Variants in ACACA observed in about 807,000 individuals in gnomAD.
ACACA encodes the protein acetyl-CoA carboxylase 1.
A neutral mutation model predicts 296.1 loss-of-function variants in ACACA; 103 were observed. That is an observed-to-expected ratio of 0.35 (90% CI 0.30 to 0.41). The LOEUF is 0.41. ACACA is among the 10% of genes least tolerant of loss of function. The pLI, the probability that ACACA is intolerant of heterozygous loss-of-function variation, is 1.00. For synonymous variants in ACACA, 953 were observed against 1,038.6 expected (o/e 0.92, Z 1.58); for missense variants, 1,554 against 2,989.7 (o/e 0.52, Z 11.20).
At chr17:37,107,058 T>A (rs2073729050) in intron 52 of ACACA, among the ~76,000 whole-genome samples, 1 of 152,164 alleles carries the variant, frequency 6.6e-6, no homozygotes, top group Non-Finnish European at 1.5e-5. Flanking sequence ...AGATCCCATA[T>A]CTACCTTCGT....
chr17:37,385,865 C>T (rs1426613872), intron 1 of ACACA: 16 of 542,536 alleles, frequency 2.9e-5, no homozygotes, highest in African/African-American at 1.9e-5. Flanking sequence ...TTATTTTGTG[C>T]TCACACCCTA....
At chr17:37,289,790 T>C (rs1436851261) in intron 3 of ACACA, among the ~76,000 whole-genome samples, 1 of 152,202 alleles carries the variant, frequency 6.6e-6, no homozygotes, top group Non-Finnish European at 1.5e-5. Flanking sequence ...CCTTTGCTGA[T>C]GGGGATCCTT....
At position 37,363,173 on chromosome 17, in the gene ACACA, CTTTTTCTT is replaced by C. The variant is rs1346419323; in HGVS notation, c.39-23331_39-23324del. ...GGTTGACTTTTTCTTTTCTCTTTCT[CTTTTTCTT>C]TTTTTTTTTTTTTTTTTTTTTGAGA... On this transcript the variant is annotated intron_variant, in intron 1 of 55. Coordinates refer to ENST00000616317, the MANE Select transcript of ACACA (RefSeq NM_198834.3). 3.0e-5 allele frequency among the ~76,000 whole-genome samples: 4 copies of C among 132,170 alleles called. No homozygotes were observed. In the East Asian group the frequency reaches 8.6e-4, roughly 28 times the overall value. The allele number at this position is 132,170 out of a possible 152,430, so 86.7% of individuals were successfully genotyped here. A position where few individuals can be genotyped will look rare whatever the true frequency, so the allele number is the denominator to read the frequency against.
chr17:37,136,169 A>T (rs563864346), intron 45 of ACACA, among the ~76,000 whole-genome samples: 3 of 152,104 alleles, frequency 2.0e-5, no homozygotes, highest in African/African-American at 7.3e-5. Context: ...AACCACCACA[A>T]CAATCAAGAT....
Position 37,097,738 on chromosome 17 carries a change from C to T in ACACA, c.6720+92G>A, listed in dbSNP as rs2073078909. ...GCAGAAGTTGTTTTAATTTGGCCCT[C>T]ATAGCTCCCTGCTTATGAGCCTGTG... On this transcript the variant is annotated intron_variant, in intron 53 of 55. Transcript: ENST00000616317. This position sits in a 1 kb window ranked among gnomAD's most constrained non-coding sequence, Gnocchi z 4.8. 1.3e-6 allele frequency: 2 copies of T among 1,530,120 alleles called. No homozygotes were observed. Among genetic ancestry groups the T allele is most frequent in the African/African-American group, 2.7e-5 (2 of 72,934 alleles). 94.8% of individuals were successfully genotyped at this position (1,530,120 alleles called of 1,614,324 possible).
chr17:37,186,889 A>T (rs1266710547), intron 39 of ACACA, among the ~76,000 whole-genome samples: 1 of 151,750 alleles, frequency 6.6e-6, no homozygotes, highest in African/African-American at 2.4e-5. Context: ...TTCCTAATAA[A>T]GGAAAGGAAA....
Position 37,113,333 on chromosome 17 carries a change from G to C in ACACA, c.6275-68C>G. On this transcript the variant is annotated intron_variant, in intron 50 of 55. Transcript: ENST00000616317. This position sits in a 1 kb window ranked among gnomAD's most constrained non-coding sequence, Gnocchi z 4.0. The stretch of plus-strand genomic sequence containing the variant: ...CCTCAAAGCAGTACTTTTAAACACT[G>C]TTCAGGACCTCTGGCCACGAAGAGC... 1 of 1,536,168 alleles carries C rather than the reference G, an allele frequency of 6.5e-7. No individual in the cohort carries two copies. Among genetic ancestry groups the C allele is most frequent in the Admixed American group, 1.8e-5 (1 of 55,796 alleles).
At chr17:37,276,904 A>G in intron 7 of ACACA, 129 bp downstream of exon 7, 1 of 817,586 alleles carries the variant, frequency 1.2e-6, no homozygotes. Flanking sequence ...AGTTAGTAAT[A>G]GATTGAGGGA....
intron 30 of ACACA, among the ~76,000 whole-genome samples, chr17:37,208,628 T>C (rs2078613991): frequency 6.6e-6 from 1 of 152,196 alleles, no homozygotes; most frequent in South Asian, 2.1e-4. Context: ...AAGCAGCTGC[T>C]AAACGGAGAT....
chr17:37,332,220 TA>T lies in ACACA; in HGVS notation c.86-1796del, dbSNP rs771392453. On this transcript the variant is annotated intron_variant, in intron 2 of 55. Coordinates refer to ENST00000616317, the MANE Select transcript of ACACA (RefSeq NM_198834.3). ...TATCCCAGAACTTAAAAGTATAATT[TA>T]AAAAAAAAAAAGAAAGAAAAAGAAA... 9.8e-3 allele frequency among the ~76,000 whole-genome samples: 1,362 copies of T among 138,332 alleles called. 13 individuals carry two copies. The highest frequency in any genetic ancestry group is 0.032 in the African/African-American group (1,212 of 37,840). The allele number at this position is 138,332 out of a possible 152,430, so 90.8% of individuals were successfully genotyped here. A position where few individuals can be genotyped will look rare whatever the true frequency, so the allele number is the denominator to read the frequency against.
chr17:37,257,090 G>A (rs1021753078), intron 14 of ACACA, among the ~76,000 whole-genome samples: 6 of 152,098 alleles, frequency 3.9e-5, no homozygotes, highest in Admixed American at 1.3e-4. Context: ...ATGATTAACA[G>A]AATATTATCT....
rs1324573919 is a variant in ACACA, at chr17:37,274,196, T to C, written c.1005A>G (p.Leu335=). The stretch of plus-strand genomic sequence containing the variant: ...CTCCCTGGAGTTAGTAACCTACCTG[T>C]AGCCCATCATCCACATCTTTCACAT... The part of the protein sequence containing the change: ...KGYVKDVDDG[L]QAAEEVGYPV... Residue 335 remains leucine (L), a synonymous_variant, in exon 9 of 56, where the codon CTA becomes CTG. Coordinates refer to ENST00000616317, the MANE Select transcript of ACACA (RefSeq NM_198834.3). 1.2e-6 allele frequency: 2 copies of C among 1,612,294 alleles called. No individual in the cohort carries two copies. The highest frequency in any genetic ancestry group is 1.7e-6 in the Non-Finnish European group (2 of 1,178,274).
At chr17:37,301,517 G>T in intron 3 of ACACA, 1 of 351,116 alleles carries the variant, frequency 2.8e-6, no homozygotes, top group Non-Finnish European at 4.0e-6. Flanking sequence ...GAGTTATACT[G>T]CAGCACACAC....
intron 50 of ACACA, among the ~76,000 whole-genome samples, chr17:37,116,140 G>C (rs374601991): frequency 1.3e-5 from 2 of 152,074 alleles, no homozygotes; most frequent in Non-Finnish European, 2.9e-5. Context: ...CTACAGGTGC[G>C]TGCCACCATG....
rs181617224 is a variant in ACACA at position 37,121,433 on chromosome 17, C to A, written c.6196G>T (p.Ala2066Ser). ...FPDSAFKTYQAIKDFNREGLP... is the reference protein window; with the variant it reads ...FPDSAFKTYQSIKDFNREGLP... The stretch of plus-strand genomic sequence containing the variant: ...CCTTCCCGGTTGAAGTCCTTGATGG[C>A]CTGATACGTCTTAAACGCAGAATCT... Residue 2066 changes from alanine (A) to serine (S), a missense_variant, in exon 50 of 56, where the codon GCC becomes TCC. Coordinates refer to ENST00000616317, the MANE Select transcript of ACACA (RefSeq NM_198834.3). 6 of 1,614,162 alleles carry A rather than the reference C, an allele frequency of 3.7e-6. No individual in the cohort carries two copies. Among genetic ancestry groups the A allele is most frequent in the South Asian group, 3.3e-5 (3 of 91,082 alleles).
At chr17:37,111,701 A>G (rs2073979985) in intron 51 of ACACA, 58 bp from the exon 52 acceptor site, 1 of 1,312,864 alleles carries the variant, frequency 7.6e-7, no homozygotes, top group African/African-American at 1.4e-5. Flanking sequence ...AAGGAAGGAG[A>G]CAACAGAATG....
At chr17:37,226,520 A>G in intron 25 of ACACA, 68 bp from the exon 26 acceptor site, 1 of 1,359,406 alleles carries the variant, frequency 7.4e-7, no homozygotes. Context: ...GGATTTTAAA[A>G]TAGAGAAAAG....
intron 3 of ACACA, chr17:37,289,451 C>G (rs771618672): frequency 5.1e-5 from 69 of 1,351,754 alleles, no homozygotes; most frequent in Non-Finnish European, 6.8e-5. Flanking sequence ...ATGGCACAAT[C>G]AAACATTTCT....
At chr17:37,404,468 T>A (rs1301686485) in intron 1 of ACACA, among the ~76,000 whole-genome samples, 1 of 151,966 alleles carries the variant, frequency 6.6e-6, no homozygotes, top group Non-Finnish European at 1.5e-5. Context: ...TCCTCCTGCC[T>A]CAGTCTCTCG....
Sources: gnomAD v4.1 joint callset for allele counts (sites outside exome capture counted in the v4.1 genomes callset) on GRCh38, gnomAD v4.1.1 for gene constraint, Gnocchi (gnomAD v3.1) non-coding constraint, MANE v1.5 for transcripts, NCBI Gene and HGNC (gene_info 2026-07-23, HGNC 2026-07-21) for gene names.